Variants in ZBBX observed in about 807,000 individuals in gnomAD.
ZBBX encodes the protein zinc finger B-box domain containing, also known as zinc finger B-box domain-containing protein 1.
A neutral mutation model predicts 108.5 loss-of-function variants in ZBBX; 101 were observed. The ratio of observed to expected loss-of-function variants is 0.93; its 90% CI spans 0.79 to 1.10. ZBBX has a LOEUF of 1.10. Ranked by LOEUF, ZBBX falls within the 50% of genes least tolerant of loss-of-function variation. ZBBX has a pLI of 0.00. For synonymous variants in ZBBX, 356 were observed against 323.4 expected (o/e 1.10, Z -1.08); for missense variants, 1,009 against 941.4 (o/e 1.07, Z -0.94).
At chr3:167,306,973 A>G (rs1576951853) in intron 16 of ZBBX, among the ~76,000 whole-genome samples, 1 of 152,154 alleles carries the variant, frequency 6.6e-6, no homozygotes, top group Non-Finnish European at 1.5e-5. Flanking sequence ...TAACTCACCA[A>G]TTTCAGATAG....
intron 11 of ZBBX, among the ~76,000 whole-genome samples, chr3:167,327,734 C>T (rs991897828): frequency 7.3e-5 from 11 of 151,654 alleles, no homozygotes; most frequent in African/African-American, 2.7e-4. Flanking sequence ...CCCAACATGG[C>T]AAAACCCCGT....
the ZBBX span, among the ~76,000 whole-genome samples, chr3:167,190,508 C>G: frequency 6.6e-6 from 1 of 151,614 alleles, no homozygotes; most frequent in Non-Finnish European, 1.5e-5. Flanking sequence ...ATTCTCCCGA[C>G]TAGCTGGGAC....
intron 4 of ZBBX, among the ~76,000 whole-genome samples, chr3:167,369,708 A>G (rs1745877070): frequency 1.3e-5 from 2 of 152,174 alleles, no homozygotes; most frequent in South Asian, 4.1e-4. Flanking sequence ...TCATTGGGGA[A>G]GTACAGGGGG....
At chr3:167,290,128 C>T (rs1402277965) in intron 18 of ZBBX, among the ~76,000 whole-genome samples, 5 of 152,246 alleles carry the variant, frequency 3.3e-5, no homozygotes, top group African/African-American at 4.8e-5. Flanking sequence ...GGGGAAGGGG[C>T]GGTTGTAGGT....
intron 17 of ZBBX, among the ~76,000 whole-genome samples, chr3:167,300,329 C>A (rs1211487718): frequency 6.6e-6 from 1 of 151,984 alleles, no homozygotes; most frequent in African/African-American, 2.4e-5. Context: ...TTATTACTGT[C>A]CAGGACTACC....
At chr3:167,231,488 A>G in the ZBBX span, among the ~76,000 whole-genome samples, 3 of 151,762 alleles carry the variant, frequency 2.0e-5, no homozygotes, top group Non-Finnish European at 4.4e-5. Context: ...TGTTGACAAG[A>G]TCATTGCAAT....
chr3:167,331,926 C>T (rs1738700785), intron 10 of ZBBX, among the ~76,000 whole-genome samples: 1 of 152,070 alleles, frequency 6.6e-6, no homozygotes, highest in African/African-American at 2.4e-5. Flanking sequence ...TGAACTGTAC[C>T]TCTTTCCAAG....
At chr3:167,328,202 T>A in intron 10 of ZBBX, 86 bp from the exon 11 acceptor site, 1 of 1,341,102 alleles carries the variant, frequency 7.5e-7, no homozygotes, top group Non-Finnish European at 1.0e-6. Context: ...TTCTGTGTTT[T>A]AAAATACAGG....
intron 1 of ZBBX, among the ~76,000 whole-genome samples, chr3:167,388,797 C>T (rs966571097): frequency 2.6e-5 from 4 of 151,894 alleles, no homozygotes; most frequent in African/African-American, 4.8e-5. Context: ...GCGTTCAAGC[C>T]AATGAGACTC....
chr3:167,403,353 T>TACATAC (rs1748484862), intron 1 of ZBBX, among the ~76,000 whole-genome samples: 1 of 152,126 alleles, frequency 6.6e-6, no homozygotes, highest in Non-Finnish European at 1.5e-5. Context: ...AAATACATAC[T>TACATAC]TTTTCAGATA....
chr3:167,298,557 C>T, intron 17 of ZBBX, 99 bp from the exon 18 acceptor site: 1 of 886,508 alleles, frequency 1.1e-6, no homozygotes, highest in Non-Finnish European at 1.6e-6. Flanking sequence ...ATATACTTGG[C>T]ACAAATTCTT....
intron 20 of ZBBX, among the ~76,000 whole-genome samples, chr3:167,250,631 C>T (rs913976898): frequency 4.6e-5 from 7 of 151,944 alleles, no homozygotes; most frequent in South Asian, 4.2e-4. Flanking sequence ...ACCCTTAGAC[C>T]GCTAGGAGTC....
chr3:167,381,032 T>C (rs1747678543), upstream of ZBBX, among the ~76,000 whole-genome samples: 1 of 152,108 alleles, frequency 6.6e-6, no homozygotes, highest in Non-Finnish European at 1.5e-5. Context: ...GATGTGTGGT[T>C]GGTACTGCAC....
At chr3:167,357,732 T>C (rs1018547536) in intron 8 of ZBBX, among the ~76,000 whole-genome samples, 5 of 152,118 alleles carry the variant, frequency 3.3e-5, no homozygotes, top group African/African-American at 1.2e-4. Context: ...CACACGTATG[T>C]TTATTGCGGC....
the ZBBX span, among the ~76,000 whole-genome samples, chr3:167,185,725 A>T: frequency 6.6e-6 from 1 of 152,052 alleles, no homozygotes; most frequent in African/African-American, 2.4e-5. Context: ...TTTTCCATGT[A>T]CGGCCTATAT....
chr3:167,199,874 G>A, the ZBBX span, among the ~76,000 whole-genome samples: 3 of 152,028 alleles, frequency 2.0e-5, no homozygotes, highest in East Asian at 1.9e-4. Flanking sequence ...AAAATAACAC[G>A]AATTCATTTT....
chr3:167,397,471 T>A (rs1238412782), intron 1 of ZBBX, among the ~76,000 whole-genome samples: 1 of 151,998 alleles, frequency 6.6e-6, no homozygotes, highest in Non-Finnish European at 1.5e-5. Context: ...CAGAATGGAT[T>A]ATTCCCTTAC....
intron 10 of ZBBX, 106 bp downstream of exon 10, chr3:167,333,721 G>T: frequency 1.0e-6 from 1 of 996,680 alleles, no homozygotes; most frequent in Non-Finnish European, 1.4e-6. Flanking sequence ...AAATAAAAAT[G>T]TGATGAAATT....
chr3:167,193,167 TC>T, the ZBBX span, among the ~76,000 whole-genome samples: 2 of 152,202 alleles, frequency 1.3e-5, no homozygotes, highest in African/African-American at 4.8e-5. Context: ...CTTTCTTTTT[TC>T]CCCACTAGGT....
Sources: allele counts gnomAD v4.1 joint callset (sites outside exome capture counted in the v4.1 genomes callset), GRCh38; gene constraint gnomAD v4.1.1; transcripts MANE v1.5; gene names NCBI Gene and HGNC (gene_info 2026-07-23, HGNC 2026-07-21).